Variants in MRC1 observed in about 807,000 individuals in gnomAD.
MRC1 encodes the protein mannose receptor C-type 1, also known as macrophage mannose receptor 1.
Under a neutral mutation model 102.9 loss-of-function variants are expected in MRC1, and 62 were observed. The ratio of observed to expected loss-of-function variants is 0.60; its 90% confidence interval spans 0.49 to 0.74. The LOEUF (loss-of-function observed/expected upper bound fraction) is 0.74. MRC1 is among the 30% of genes least tolerant of loss of function. MRC1 has a pLI of 0.00. For synonymous variants in MRC1, 457 were observed against 298.4 expected (o/e 1.53, Z -5.48); for missense variants, 1,237 against 862.8 (o/e 1.43, Z -5.43).
At chr10:17,906,751 T>A in intron 26 of MRC1, 135 bp from the exon 27 acceptor site, 1 of 751,212 alleles carries the variant, frequency 1.3e-6, no homozygotes, top group South Asian at 1.4e-5. Flanking sequence ...AACAAACACC[T>A]GCCCTTTGAA....
At chr10:17,862,048 A>G (rs1233003879) in intron 10 of MRC1, among the ~76,000 whole-genome samples, 1 of 152,122 alleles carries the variant, frequency 6.6e-6, no homozygotes, top group Non-Finnish European at 1.5e-5. Context: ...TTTACTTTTC[A>G]CCTACTCTAT....
At chr10:17,897,936 T>C (rs1156696308) in intron 23 of MRC1, 98 bp from the exon 24 acceptor site, 2 of 772,364 alleles carry the variant, frequency 2.6e-6, no homozygotes, top group Non-Finnish European at 4.8e-6. Flanking sequence ...TTATGCTACT[T>C]TGCTTATTTT....
At chr10:17,909,510 A>T (rs1833940907) in intron 29 of MRC1, among the ~76,000 whole-genome samples, 163 bp downstream of exon 29, 1 of 152,168 alleles carries the variant, frequency 6.6e-6, no homozygotes, top group African/African-American at 2.4e-5. Flanking sequence ...AATACTTTAG[A>T]AAAAGAGGCC....
chr10:17,897,002 T>C (rs1833763076), intron 23 of MRC1, among the ~76,000 whole-genome samples: 1 of 152,230 alleles, frequency 6.6e-6, no homozygotes. Context: ...TCAACTCTGC[T>C]GTGGTCACAG....
chr10:17,860,662 A>C (rs782010892), intron 9 of MRC1, among the ~76,000 whole-genome samples: 17,575 of 152,258 alleles, frequency 0.12, 1,192 homozygotes, highest in Non-Finnish European at 0.16. Flanking sequence ...TCCTATGACC[A>C]AATGATGTAG....
chr10:17,892,619 T>G (rs1554843208), intron 22 of MRC1, among the ~76,000 whole-genome samples: 1 of 152,212 alleles, frequency 6.6e-6, no homozygotes, highest in Non-Finnish European at 1.5e-5. Context: ...TTCTCAGCAT[T>G]TTCTTTAAGT....
chr10:17,909,683 A>G (rs1833943606), intron 29 of MRC1, among the ~76,000 whole-genome samples: 1 of 144,248 alleles, frequency 6.9e-6, no homozygotes, highest in Non-Finnish European at 1.5e-5. Context: ...TAATTTTTAT[A>G]GACTACTTGA....
intron 12 of MRC1, 43 bp downstream of exon 12, chr10:17,866,804 C>G: frequency 1.3e-6 from 1 of 780,730 alleles, no homozygotes; most frequent in Admixed American, 1.7e-5. Context: ...CTGGAGTATG[C>G]TTCAGCCTAA....
chr10:17,819,752 A>G (rs1319342351), intron 1 of MRC1, among the ~76,000 whole-genome samples: 4 of 152,034 alleles, frequency 2.6e-5, no homozygotes, highest in African/African-American at 9.7e-5. Flanking sequence ...AGACCAACCT[A>G]GGCAACAAAG....
chr10:17,831,325 A>C (rs970807120), intron 3 of MRC1, among the ~76,000 whole-genome samples: 5 of 151,444 alleles, frequency 3.3e-5, no homozygotes, highest in Non-Finnish European at 5.9e-5. Flanking sequence ...TGAAACTTGC[A>C]ACACCTCAGA....
At chr10:17,832,022 T>C (rs1372832653) in intron 3 of MRC1, among the ~76,000 whole-genome samples, 1 of 151,648 alleles carries the variant, frequency 6.6e-6, no homozygotes, top group Admixed American at 6.5e-5. Context: ...AAATATATTC[T>C]AGCAATGAGA....
At chr10:17,879,868 A>G in intron 19 of MRC1, 47 bp downstream of exon 19, 1 of 780,802 alleles carries the variant, frequency 1.3e-6, no homozygotes, top group East Asian at 2.4e-5. Context: ...GTGGCGTGTC[A>G]TTTGCCACAT....
At chr10:17,852,743 G>C (rs1838935426) in intron 7 of MRC1, among the ~76,000 whole-genome samples, 1 of 152,136 alleles carries the variant, frequency 6.6e-6, no homozygotes. Context: ...ACAATGTAAA[G>C]GGTACACTAC....
At chr10:17,909,438 C>T (rs1273457182) in intron 29 of MRC1, 91 bp downstream of exon 29, 2 of 765,248 alleles carry the variant, frequency 2.6e-6, no homozygotes, top group Non-Finnish European at 2.4e-6. Flanking sequence ...TTCCAACTCC[C>T]CTGCTCTCTC....
Position 17,884,843 on chromosome 10 carries a change from C to T in MRC1, c.2981-426C>T, listed in dbSNP as rs915509995. On this transcript the variant is annotated intron_variant, in intron 21 of 29. Transcript: ENST00000569591. ...ACAGTTTTTATTTTTTCAGAACTGT[C>T]TGGGTTAAGAGTCCTTTGTCCCATA... Among the ~76,000 whole-genome samples the T allele has an allele frequency of 9.2e-5, 14 of 152,178 alleles. No homozygotes were observed. The South Asian group carries it at 2.5e-3, about 27-fold the overall frequency.
intron 23 of MRC1, 146 bp from the exon 24 acceptor site, chr10:17,897,888 T>G: frequency 1.4e-6 from 1 of 722,070 alleles, no homozygotes; most frequent in Non-Finnish European, 2.5e-6. Flanking sequence ...TAGTGTGAAA[T>G]GGCTTATAAA....
intron 3 of MRC1, among the ~76,000 whole-genome samples, chr10:17,828,836 G>A (rs1186014148): frequency 6.6e-6 from 1 of 151,632 alleles, no homozygotes; most frequent in East Asian, 1.9e-4. Context: ...GTTCTTCCAC[G>A]CTTAAAAATC....
chr10:17,833,285 C>G (rs1265378655), intron 3 of MRC1, among the ~76,000 whole-genome samples: 1 of 152,024 alleles, frequency 6.6e-6, no homozygotes, highest in African/African-American at 2.4e-5. Context: ...CTTTGGGAAG[C>G]TGAGGCAGGA....
intron 5 of MRC1, among the ~76,000 whole-genome samples, chr10:17,843,494 C>A (rs1838780189): frequency 6.6e-6 from 1 of 151,902 alleles, no homozygotes; most frequent in Admixed American, 6.6e-5. Flanking sequence ...GGTGAAACCC[C>A]GTCTATACTA....
Sources: allele counts gnomAD v4.1 joint callset (sites outside exome capture counted in the v4.1 genomes callset), GRCh38; gene constraint gnomAD v4.1.1; transcripts MANE v1.5; gene names NCBI Gene and HGNC (gene_info 2026-07-23, HGNC 2026-07-21).